IL9: variants seen among roughly 807,000 people sequenced by gnomAD.
The protein encoded by IL9 is interleukin 9, also known as interleukin-9.
In IL9, 16 loss-of-function variants were observed where a neutral mutation model predicts 12.9. That is an observed-to-expected ratio of 1.24 (90% confidence interval 0.84 to 1.88). IL9 has a LOEUF of 1.88. IL9 is among the 40% of genes most tolerant of loss of function. The pLI, the probability that IL9 is intolerant of heterozygous loss-of-function variation, is 0.00. For missense variants in IL9, 170 were observed against 173.1 expected (o/e 0.98, Z 0.10); for synonymous variants, 69 against 63.8 (o/e 1.08, Z -0.39).
Position 135,895,439 on chromosome 5 carries a change from C to G in IL9, c.183+1G>C, listed in dbSNP as rs1000686176. 1 of 1,612,982 alleles carries G rather than the reference C, an allele frequency of 6.2e-7. No homozygotes were observed. The highest frequency in any genetic ancestry group is 1.3e-5 in the African/African-American group (1 of 74,990). On this transcript the variant is annotated splice_donor_variant, in intron 3 of 4. Transcript: ENST00000274520. LOFTEE classifies it high-confidence loss of function. ...ACATTATGTTATTTCACTATACTTA[C>G]AGAGGGAATGCCCAAACAGAGACAA...
chr5:135,894,032 G>A lies in IL9; in HGVS notation c.303C>T (p.Asn101=). 6.2e-7 allele frequency: 1 copy of A among 1,611,592 alleles called. No individual in the cohort carries two copies. Among genetic ancestry groups the A allele is most frequent in the Non-Finnish European group, 8.5e-7 (1 of 1,179,474 alleles). The change falls in exon 4 of 5, where the codon AAC becomes AAT. Residue 101 remains asparagine, a synonymous_variant. Transcript: ENST00000274520. ...RVKKSVEVLK[N]NKCPYFSCEQ... is the part of the protein sequence containing the mutation. ...AAAACAAACTTACTGGACACTTGTTGTTCTTTAGTACTTCAACTGATTTTT... is the reference window on the plus strand; with the variant it reads ...AAAACAAACTTACTGGACACTTGTTATTCTTTAGTACTTCAACTGATTTTT...
chr5:135,895,353 T>C (rs530922688), intron 3 of IL9, 87 bp downstream of exon 3: 1 of 1,074,794 alleles, frequency 9.3e-7, no homozygotes, highest in South Asian at 1.5e-5. Flanking sequence ...ATGTATAACA[T>C]TAAATATTAA....
At chr5:135,893,793 G>C (rs1003253134) in intron 4 of IL9, among the ~76,000 whole-genome samples, 9 of 152,184 alleles carry the variant, frequency 5.9e-5, no homozygotes, top group Admixed American at 5.2e-4. Context: ...ATAGTAGAGA[G>C]AAGTAAATGG....
intron 3 of IL9, among the ~76,000 whole-genome samples, chr5:135,894,374 T>C (rs548675743): frequency 6.6e-5 from 10 of 152,316 alleles, no homozygotes; most frequent in African/African-American, 2.4e-4. Context: ...TCCTGTATGT[T>C]ACATCCAGGA....
rs141219153 is a variant in IL9 at position 135,892,463 on chromosome 5, C to T, written c.363G>A (p.Ala121=). The part of the protein sequence containing the change: ...QPCNQTTAGN[A]LTFLKSLLEI... ...CCAGAAGACTCTTCAGAAATGTCAGCGCGTTGCCTGCCGTGGTTTGGTTGC... is the reference window on the plus strand; with the variant it reads ...CCAGAAGACTCTTCAGAAATGTCAGTGCGTTGCCTGCCGTGGTTTGGTTGC... Residue 121 remains alanine, a synonymous_variant, in exon 5 of 5, where the codon GCG becomes GCA. Coordinates refer to ENST00000274520, the MANE Select transcript of IL9 (RefSeq NM_000590.2). 1.7e-4 allele frequency: 267 copies of T among 1,613,220 alleles called. No homozygotes were observed. The East Asian group carries it at 5.5e-3, about 33-fold the overall frequency.
rs751912032 is a variant in IL9 at position 135,895,837 on chromosome 5, C to T, written c.-21G>A. On this transcript the variant is annotated 5_prime_UTR_variant, in exon 1 of 5. Transcript: ENST00000274520. ...AGCATCTTGACAGCGGACTGGAGCT[C>T]GCTTGCAGACACCTTCAAATCGAGT... is the stretch of plus-strand genomic sequence containing the variant. The T allele has an allele frequency of 5.1e-5, 77 of 1,499,606 alleles. No individual in the cohort carries two copies. Among genetic ancestry groups the T allele is most frequent in the South Asian group, 1.0e-4 (9 of 88,064 alleles). The allele number at this position is 1,499,606 out of a possible 1,614,324, so 92.9% of individuals were successfully genotyped here.
chr5:135,893,553 A>G (rs1003715175), intron 4 of IL9, among the ~76,000 whole-genome samples: 4 of 152,174 alleles, frequency 2.6e-5, no homozygotes, highest in Admixed American at 2.6e-4. Context: ...CAGAGGCTGC[A>G]GTGAGCTCAG....
At position 135,895,577 on chromosome 5, in the gene IL9, G is replaced by A. The variant is rs145258862; in HGVS notation, c.128C>T (p.Ser43Phe). Residue 43 changes from serine (S) to phenylalanine (F), a missense_variant, in exon 2 of 5, where the codon TCC becomes TTC. Ser to Phe is a radical substitution (Grantham distance 155, BLOSUM62 -2). Transcript: ENST00000274520. ...LINKMQEDPA[S>F]KCHCSANVTS... ...CACATTAGCACTGCAGTGGCACTTG[G>A]AAGCTGGATCTTCCTAAAGTAGATA... is the stretch of plus-strand genomic sequence containing the variant. 1.9e-6 allele frequency: 3 copies of A among 1,614,156 alleles called. No homozygotes were observed. Among genetic ancestry groups the A allele is most frequent in the Non-Finnish European group, 2.5e-6 (3 of 1,179,994 alleles).
intron 3 of IL9, 98 bp downstream of exon 3, chr5:135,895,342 A>G (rs1762926035): frequency 4.2e-6 from 4 of 945,056 alleles, no homozygotes; most frequent in Non-Finnish European, 6.3e-6. Context: ...ATTAAGCAAC[A>G]ATGTATAACA....
intron 4 of IL9, 25 bp downstream of exon 4, chr5:135,893,995 A>G (rs1762908829): frequency 6.2e-7 from 1 of 1,600,128 alleles, no homozygotes; most frequent in Non-Finnish European, 8.5e-7. Context: ...CAACAGGAAC[A>G]TATCACATAT....
At position 135,895,609 on chromosome 5, in the gene IL9, T is replaced by C; in HGVS notation, c.115-19A>G. On this transcript the variant is annotated intron_variant, in intron 1 of 4. Transcript: ENST00000274520. Reference sequence around the variant, plus strand: ...GATCTTCCTAAAGTAGATAGAGAGATAAGAACCTTTAGTCAGCCCCGAGTT... The same window carrying C: ...GATCTTCCTAAAGTAGATAGAGAGACAAGAACCTTTAGTCAGCCCCGAGTT... The C allele has an allele frequency of 6.2e-7, 1 of 1,613,884 alleles. No homozygotes were observed. The highest frequency in any genetic ancestry group is 8.5e-7 in the Non-Finnish European group (1 of 1,179,738).
intron 4 of IL9, among the ~76,000 whole-genome samples, chr5:135,893,028 A>G (rs1762895437): frequency 6.6e-6 from 1 of 152,156 alleles, no homozygotes; most frequent in South Asian, 2.1e-4. Flanking sequence ...ATTGTCCCTA[A>G]GGTATGTATT....
rs1259248280 is a variant in IL9 at position 135,892,512 on chromosome 5, T to G, written c.316-2A>C. The G allele has an allele frequency of 6.2e-7, 1 of 1,610,964 alleles. No individual in the cohort carries two copies. Among genetic ancestry groups the G allele is most frequent in the East Asian group, 2.2e-5 (1 of 44,830 alleles). On this transcript the variant is annotated splice_acceptor_variant, in intron 4 of 4. Transcript: ENST00000274520. LOFTEE classifies it high-confidence loss of function. The stretch of plus-strand genomic sequence containing the variant: ...GCATGGCTGTTCACAGGAAAAATAC[T>G]GTGGGGATGAAAGTTGATAAGGACA...
At chr5:135,893,966 C>G in intron 4 of IL9, 54 bp downstream of exon 4, 1 of 1,513,648 alleles carries the variant, frequency 6.6e-7, no homozygotes, top group South Asian at 1.2e-5. Flanking sequence ...GTTGGCATCA[C>G]CATTCACATA....
intron 4 of IL9, 88 bp from the exon 5 acceptor site, chr5:135,892,598 T>C (rs1762885293): frequency 1.4e-6 from 2 of 1,448,722 alleles, no homozygotes; most frequent in Admixed American, 2.2e-5. Flanking sequence ...AGAGCCAGAG[T>C]CGGTGGTGAG....
chr5:135,894,162 G>A lies in IL9; in HGVS notation c.184-11C>T, dbSNP rs1300686837. ...TCTGGTGCAGTTGTCCTGGTAAATA[G>A]TAAGGATTTATTCAAAGAAATATTC... On this transcript the variant is annotated splice_polypyrimidine_tract_variant and intron_variant, in intron 3 of 4. Transcript: ENST00000274520. 6.2e-7 allele frequency: 1 copy of A among 1,610,018 alleles called. No individual in the cohort carries two copies. The highest frequency in any genetic ancestry group is 8.5e-7 in the Non-Finnish European group (1 of 1,178,626).
At chr5:135,893,984 C>T in intron 4 of IL9, 36 bp downstream of exon 4, 1 of 1,580,390 alleles carries the variant, frequency 6.3e-7, no homozygotes, top group Non-Finnish European at 8.6e-7. Flanking sequence ...ATAGAAATCA[C>T]CAACAGGAAC....
At chr5:135,895,616 C>A (rs1423833812) in intron 1 of IL9, 26 bp from the exon 2 acceptor site, 6 of 1,613,824 alleles carry the variant, frequency 3.7e-6, no homozygotes, top group Non-Finnish European at 4.2e-6. Flanking sequence ...AGATAAGAAC[C>A]TTTAGTCAGC....
At chr5:135,893,891 T>C in intron 4 of IL9, 129 bp downstream of exon 4, 1 of 671,878 alleles carries the variant, frequency 1.5e-6, no homozygotes. Context: ...TTAAAATTCT[T>C]AGATGTCTTT....
Sources: allele counts gnomAD v4.1 joint callset (sites outside exome capture counted in the v4.1 genomes callset), GRCh38; gene constraint gnomAD v4.1.1; transcripts MANE v1.5; gene names NCBI Gene and HGNC (gene_info 2026-07-23, HGNC 2026-07-21).